Variants in TRPM6 observed in about 807,000 individuals in gnomAD.
The protein encoded by TRPM6 is channel kinase 2.
In TRPM6, 111 loss-of-function variants were observed where a neutral mutation model predicts 247.6. That is an observed-to-expected ratio of 0.45 (90% confidence interval 0.38 to 0.52). TRPM6 has a LOEUF of 0.52. Ranked by LOEUF, TRPM6 falls within the 20% of genes least tolerant of loss-of-function variation. The pLI, the probability that TRPM6 is intolerant of heterozygous loss-of-function variation, is 0.00. For synonymous variants in TRPM6, 892 were observed against 853.8 expected, an observed-to-expected ratio of 1.04 and a Z score of -0.78; for missense variants, 2,126 against 2,421.5, an observed-to-expected ratio of 0.88 and a Z score of 2.56.
At position 74,855,707 on chromosome 9, in the gene TRPM6, C is replaced by T. The variant is rs531209479; in HGVS notation, c.114-142G>A. 2.5e-4 allele frequency: 172 copies of T among 682,128 alleles called. 3 individuals carry two copies. In the East Asian group the frequency reaches 4.6e-3, roughly 18 times the overall value. 42.3% of individuals were successfully genotyped at this position (682,128 alleles called of 1,614,324 possible). A position where few individuals can be genotyped will look rare whatever the true frequency, so the allele number is the denominator to read the frequency against. On this transcript the variant is annotated intron_variant, in intron 2 of 38. Transcript: ENST00000360774. ...TTCATATATCATGTTCCAAATATTC[C>T]ATTATGGCATTTACCACATATAATT...
chr9:74,797,524 A>T (rs953108993), intron 17 of TRPM6, among the ~76,000 whole-genome samples: 1 of 152,206 alleles, frequency 6.6e-6, no homozygotes, highest in South Asian at 2.1e-4. Context: ...TTTCATTTGT[A>T]TAACTTTTAT....
intron 29 of TRPM6, among the ~76,000 whole-genome samples, chr9:74,751,155 G>T (rs1284452254): frequency 6.6e-6 from 1 of 152,060 alleles, no homozygotes; most frequent in Non-Finnish European, 1.5e-5. Flanking sequence ...CTCATCTCAG[G>T]TCATGATGAT....
At chr9:74,844,436 T>C (rs73534400) in intron 3 of TRPM6, among the ~76,000 whole-genome samples, 1 of 152,218 alleles carries the variant, frequency 6.6e-6, no homozygotes, top group African/African-American at 2.4e-5. Flanking sequence ...GCAGCTCCTC[T>C]GTTAGCATTT....
At chr9:74,740,463 A>T (rs1023975361) in intron 33 of TRPM6, among the ~76,000 whole-genome samples, 2 of 152,164 alleles carry the variant, frequency 1.3e-5, no homozygotes, top group Non-Finnish European at 2.9e-5. Context: ...AATGCTTAGG[A>T]CCAGAAGTGT....
chr9:74,743,418 A>G (rs923850366), intron 32 of TRPM6, among the ~76,000 whole-genome samples: 8 of 152,244 alleles, frequency 5.3e-5, no homozygotes, highest in Non-Finnish European at 2.9e-5. Flanking sequence ...ATCTCATCCA[A>G]TGCTGAGAGC....
At position 74,747,774 on chromosome 9, in the gene TRPM6, T is replaced by C. The variant is rs889090227; in HGVS notation, c.5083+115A>G. ...CTACTGAACTTTCTACATTGCATGA[T>C]GGACAAAAATCATAAATACAATTTC... On this transcript the variant is annotated intron_variant, in intron 31 of 38. Transcript: ENST00000360774. 7 of 917,674 alleles carry C rather than the reference T, an allele frequency of 7.6e-6. No homozygotes were observed. The Admixed American group carries it at 1.1e-4, about 14-fold the overall frequency. 56.8% of individuals were successfully genotyped at this position (917,674 alleles called of 1,614,324 possible). A position where few individuals can be genotyped will look rare whatever the true frequency, so the allele number is the denominator to read the frequency against.
At chr9:74,869,466 A>G (rs575844151) in intron 1 of TRPM6, among the ~76,000 whole-genome samples, 22 of 152,148 alleles carry the variant, frequency 1.4e-4, no homozygotes, top group Non-Finnish European at 2.4e-4. Context: ...AAAAAAAAAA[A>G]AAAGAAACTG....
intron 16 of TRPM6, among the ~76,000 whole-genome samples, 163 bp from the exon 17 acceptor site, chr9:74,800,645 C>T (rs1482818328): frequency 6.7e-6 from 1 of 148,560 alleles, no homozygotes; most frequent in Admixed American, 6.7e-5. Flanking sequence ...GCCAACAACA[C>T]CAAACAGCAA....
At chr9:74,875,157 A>G in intron 1 of TRPM6, 2 of 420,360 alleles carry the variant, frequency 4.8e-6, no homozygotes, top group Non-Finnish European at 9.8e-6. Flanking sequence ...TAAAACCACC[A>G]TCATCATCTG....
In TRPM6 at chr9:74,884,421, G is replaced by A. The variant is rs557301745; in HGVS notation, c.33+3403C>T. On this transcript the variant is annotated intron_variant, in intron 1 of 38. Transcript: ENST00000360774. ...GGAGAATGGTGTGAACCCAGCAGGCGGAGCTTGCACTGAGCTGAGATCGTG... is the reference window on the plus strand; with the variant it reads ...GGAGAATGGTGTGAACCCAGCAGGCAGAGCTTGCACTGAGCTGAGATCGTG... 4.7e-3 allele frequency among the ~76,000 whole-genome samples: 705 copies of A among 151,484 alleles called. 7 individuals carry two copies. The highest frequency in any genetic ancestry group is 0.016 in the African/African-American group (665 of 41,298).
Position 74,762,171 on chromosome 9 carries a change from A to G in TRPM6, c.4500T>C (p.Ser1500=), listed in dbSNP as rs1490002856. The change falls in exon 26 of 39, where the codon TCT becomes TCC. Residue 1500 remains serine (S), a synonymous_variant. Coordinates refer to ENST00000360774, the MANE Select transcript of TRPM6 (RefSeq NM_017662.5). The stretch of plus-strand genomic sequence containing the variant: ...TCTGGGCCGATCTTGTTGAGTTATC[A>G]GATAGGGAGCTGTCCTGGGCCTGCT... ...HQKQAQDSSL[S]DNSTRSAQSS... 2 of 1,614,076 alleles carry G rather than the reference A, an allele frequency of 1.2e-6. No individual in the cohort carries two copies. Among genetic ancestry groups the G allele is most frequent in the East Asian group, 2.2e-5 (1 of 44,896 alleles).
At chr9:74,740,369 T>C (rs936175374) in intron 33 of TRPM6, among the ~76,000 whole-genome samples, 1 of 152,192 alleles carries the variant, frequency 6.6e-6, no homozygotes, top group Non-Finnish European at 1.5e-5. Flanking sequence ...CTTATTATCA[T>C]CCTCCTAAGG....
At chr9:74,810,787 C>T in intron 13 of TRPM6, 28 bp downstream of exon 13, 2 of 1,607,774 alleles carry the variant, frequency 1.2e-6, no homozygotes, top group African/African-American at 1.3e-5. Flanking sequence ...TACACAAAGA[C>T]ATGTTCACGC....
chr9:74,859,157 A>C (rs1830619674), intron 1 of TRPM6, among the ~76,000 whole-genome samples: 1 of 152,216 alleles, frequency 6.6e-6, no homozygotes, highest in African/African-American at 2.4e-5. Context: ...TTTGGCTAAG[A>C]TTTCACAGGA....
At chr9:74,760,156 A>G (rs1826574879) in intron 27 of TRPM6, among the ~76,000 whole-genome samples, 1 of 152,202 alleles carries the variant, frequency 6.6e-6, no homozygotes, top group African/African-American at 2.4e-5. Context: ...AGTGTTTATA[A>G]AGTCTACAGT....
chr9:74,818,968 T>C (rs990869540), intron 9 of TRPM6, among the ~76,000 whole-genome samples: 1 of 152,254 alleles, frequency 6.6e-6, no homozygotes, highest in East Asian at 1.9e-4. Context: ...CATATCTGTA[T>C]ATTTACTGTA....
chr9:74,848,040 T>C (rs75488728), intron 3 of TRPM6, among the ~76,000 whole-genome samples: 1 of 152,270 alleles, frequency 6.6e-6, no homozygotes, highest in East Asian at 1.9e-4. Flanking sequence ...TTTATCAAAA[T>C]TATGGCCCTG....
At chr9:74,809,976 CAAAAAAAAAAAAAA>C (rs57812269) in intron 13 of TRPM6, among the ~76,000 whole-genome samples, 1 of 33,554 alleles carries the variant, frequency 3.0e-5, no homozygotes, top group Non-Finnish European at 6.4e-5. Flanking sequence ...AACTCCATCT[CAAAAAAAAAAAAAA>C]AAAAAAAAAA....
intron 14 of TRPM6, among the ~76,000 whole-genome samples, chr9:74,805,570 C>A (rs994927301): frequency 6.6e-6 from 1 of 152,214 alleles, no homozygotes; most frequent in Admixed American, 6.5e-5. Flanking sequence ...GTGACAAATA[C>A]GTGCTATCTG....
Sources: gnomAD v4.1 joint callset for allele counts (sites outside exome capture counted in the v4.1 genomes callset) on GRCh38, gnomAD v4.1.1 for gene constraint, MANE v1.5 for transcripts, NCBI Gene and HGNC (gene_info 2026-07-23, HGNC 2026-07-21) for gene names.